The following ANO1 variants were observed in gnomAD, a reference collection of about 807,000 sequenced individuals.
The protein encoded by ANO1 is anoctamin-1.
Under a neutral mutation model 124.0 loss-of-function variants are expected in ANO1, and 59 were observed. The ratio of observed to expected loss-of-function variants is 0.48; its 90% CI spans 0.39 to 0.59. ANO1 has a LOEUF of 0.59. Ranked by LOEUF, ANO1 falls within the 20% of genes least tolerant of loss-of-function variation. The pLI is 0.00. For missense variants in ANO1, 1,059 were observed against 1,328.0 expected, an observed-to-expected ratio of 0.80 and a Z score of 3.15; for synonymous variants, 529 against 532.0, an observed-to-expected ratio of 0.99 and a Z score of 0.08.
chr11:70,156,024 C>T, intron 15 of ANO1, 36 bp downstream of exon 15: 4 of 1,460,124 alleles, frequency 2.7e-6, no homozygotes, highest in Non-Finnish European at 2.7e-6. Flanking sequence ...CGCGTCTTGA[C>T]TGTTTGCAGG....
intron 11 of ANO1, among the ~76,000 whole-genome samples, chr11:70,142,398 G>A (rs1434011480): frequency 2.0e-5 from 3 of 152,134 alleles, no homozygotes; most frequent in African/African-American, 7.2e-5. Flanking sequence ...GATCGTCTGC[G>A]GGAACTAAAC....
intron 11 of ANO1, among the ~76,000 whole-genome samples, chr11:70,142,438 C>T (rs948796958): frequency 6.6e-6 from 1 of 152,066 alleles, no homozygotes; most frequent in African/African-American, 2.4e-5. Context: ...GTAGGGTGCC[C>T]GGTGACTCAG....
intron 1 of ANO1, among the ~76,000 whole-genome samples, chr11:70,054,089 G>A (rs1857395965): frequency 6.6e-6 from 1 of 152,140 alleles, no homozygotes; most frequent in Admixed American, 6.5e-5. Context: ...TCTGTCTCCA[G>A]TATGGCCCTC....
At chr11:70,023,965 T>G (rs1244064833) in intron 1 of ANO1, among the ~76,000 whole-genome samples, 1 of 152,208 alleles carries the variant, frequency 6.6e-6, no homozygotes, top group African/African-American at 2.4e-5. Context: ...CAGGATTGCT[T>G]GGGTTGTAAA....
chr11:70,163,829 T>G (rs1330499386), intron 19 of ANO1, among the ~76,000 whole-genome samples: 1 of 151,838 alleles, frequency 6.6e-6, no homozygotes, highest in African/African-American at 2.4e-5. Flanking sequence ...TCCCACCTAC[T>G]CGGGAGGCTG....
upstream of ANO1, among the ~76,000 whole-genome samples, chr11:69,983,802 C>T (rs946043165): frequency 6.6e-6 from 1 of 152,122 alleles, no homozygotes; most frequent in Non-Finnish European, 1.5e-5. Flanking sequence ...GGGTTTCATC[C>T]GAACGCAACT....
At chr11:70,016,041 T>C (rs2134983561) in intron 1 of ANO1, among the ~76,000 whole-genome samples, 1 of 152,126 alleles carries the variant, frequency 6.6e-6, no homozygotes. Flanking sequence ...TTTTTCTTTT[T>C]TTTTGAAACG....
rs944963814 is a variant in ANO1, at chr11:70,155,901, C to G, written c.1426-10C>G. 8.4e-6 allele frequency: 13 copies of G among 1,540,506 alleles called. No individual in the cohort carries two copies. The African/African-American group carries it at 1.5e-4, about 18-fold the overall frequency. ...CCGCACGGTGCTCTCTTTCCCCCAC[C>G]CCCCCTCAGAAGCGCCGGCATATTC... On this transcript the variant is annotated splice_polypyrimidine_tract_variant and intron_variant, in intron 14 of 25. Transcript: ENST00000355303.
At chr11:70,092,894 G>C (rs2044687791) in intron 2 of ANO1, among the ~76,000 whole-genome samples, 2 of 152,136 alleles carry the variant, frequency 1.3e-5, no homozygotes, top group Admixed American at 1.3e-4. Flanking sequence ...CTTCAAAGTG[G>C]GTTTACAGGA....
chr11:70,014,800 C>T (rs1452076508), intron 1 of ANO1: 1 of 150,702 alleles, frequency 6.6e-6, no homozygotes, highest in Non-Finnish European at 1.5e-5. Flanking sequence ...ATCCTCAGTA[C>T]TTGTTTGTCC....
At position 70,126,205 on chromosome 11, in the gene ANO1, A is replaced by C; in HGVS notation, c.1097+10A>C. The C allele has an allele frequency of 6.2e-7, 1 of 1,609,702 alleles. No individual in the cohort carries two copies. Among genetic ancestry groups the C allele is most frequent in the Non-Finnish European group, 8.5e-7 (1 of 1,178,218 alleles). On this transcript the variant is annotated intron_variant, in intron 10 of 25. Transcript: ENST00000355303. The stretch of plus-strand genomic sequence containing the variant: ...ATGAAAACATCCCCAGGTAGGCGGC[A>C]GCCCACCCCCACCACCCCGCAGTAC...
chr11:70,089,864 C>T (rs1271846355), intron 2 of ANO1, among the ~76,000 whole-genome samples: 2 of 152,216 alleles, frequency 1.3e-5, no homozygotes, highest in Non-Finnish European at 1.5e-5. Flanking sequence ...AGCATGTCAA[C>T]TTAGAACTGG....
chr11:70,087,684 A>G lies in ANO1; in HGVS notation c.109-68A>G. On this transcript the variant is annotated intron_variant, in intron 1 of 25. Transcript: ENST00000355303. ...TGAGGAGTGAGTGGATGAAGGGAGC[A>G]GCGCACCCTCCAAAGGCCCATCACG... 2 of 1,372,084 alleles carry G rather than the reference A, an allele frequency of 1.5e-6. 1 individual carries two copies. The highest frequency in any genetic ancestry group is 4.1e-4 in the Middle Eastern group (2 of 4,856). 85.0% of individuals were successfully genotyped at this position (1,372,084 alleles called of 1,614,324 possible). A position where few individuals can be genotyped will look rare whatever the true frequency, so the allele number is the denominator to read the frequency against.
intron 1 of ANO1, chr11:70,085,462 C>A: frequency 2.0e-6 from 3 of 1,535,792 alleles, no homozygotes; most frequent in Admixed American, 2.0e-5. Flanking sequence ...ACAGCGGGGC[C>A]CTGTGTTACT....
chr11:70,154,885 G>A (rs1022259681), intron 14 of ANO1, among the ~76,000 whole-genome samples: 4 of 152,220 alleles, frequency 2.6e-5, no homozygotes, highest in Admixed American at 1.3e-4. Flanking sequence ...TTAACACATC[G>A]GATGTGCACG....
intron 2 of ANO1, among the ~76,000 whole-genome samples, chr11:70,090,841 T>C (rs2044598783): frequency 6.6e-6 from 1 of 152,202 alleles, no homozygotes; most frequent in Non-Finnish European, 1.5e-5. Context: ...GATCTGGCCA[T>C]GTTTAAGATG....
At chr11:70,127,859 C>T (rs1021496807) in intron 10 of ANO1, among the ~76,000 whole-genome samples, 25 of 152,250 alleles carry the variant, frequency 1.6e-4, no homozygotes, top group African/African-American at 6.0e-4. Flanking sequence ...GCAGTGCCTT[C>T]AGCGTGCAAA....
At chr11:70,095,418 GAAAGAAAGAAAAGA>G (rs2044899276) in intron 2 of ANO1, among the ~76,000 whole-genome samples, 1 of 63,298 alleles carries the variant, frequency 1.6e-5, no homozygotes, top group Non-Finnish European at 3.6e-5. Context: ...AAGAAAGAAA[GAAAGAAAGAAAAGA>G]AAAGAAAGAA....
At chr11:70,174,999 C>T (rs1387617237) in intron 22 of ANO1, among the ~76,000 whole-genome samples, 2 of 152,208 alleles carry the variant, frequency 1.3e-5, no homozygotes, top group Non-Finnish European at 2.9e-5. Context: ...AGGCAGCCGA[C>T]AGTACCCCAC....
Sources: allele counts gnomAD v4.1 joint callset (sites outside exome capture counted in the v4.1 genomes callset), GRCh38; gene constraint gnomAD v4.1.1; transcripts MANE v1.5; gene names NCBI Gene and HGNC (gene_info 2026-07-23, HGNC 2026-07-21).